PCDHA8: variants seen among roughly 807,000 people sequenced by gnomAD.
PCDHA8 encodes protocadherin alpha-8.
A neutral mutation model predicts 61.8 loss-of-function variants in PCDHA8; 53 were observed. The observed-to-expected ratio is 0.86, with a 90% CI of 0.69 to 1.08. The LOEUF is 1.08. PCDHA8 is among the 50% of genes least tolerant of loss of function. The probability of loss-of-function intolerance (pLI) is 0.00; values close to 1 mark genes in which losing one functional copy is unlikely to be tolerated. For synonymous variants in PCDHA8, 618 were observed against 556.6 expected, an observed-to-expected ratio of 1.11 and a Z score of -1.55; for missense variants, 1,293 against 1,245.0, an observed-to-expected ratio of 1.04 and a Z score of -0.58.
rs1581023239 is a variant in PCDHA8, at chr5:140,842,959, C to T, written c.1638C>T (p.Gly546=). ...SARDAGVPPL[G]SNVTLQVFVL... Reference sequence around the variant, plus strand: ...GCGACGCGGGCGTGCCGCCTCTGGGCAGCAACGTGACGCTGCAGGTGTTCG... The same window carrying T: ...GCGACGCGGGCGTGCCGCCTCTGGGTAGCAACGTGACGCTGCAGGTGTTCG... The change falls in exon 1 of 4, where the codon GGC becomes GGT. Residue 546 remains glycine, a synonymous_variant. Transcript: ENST00000531613. The T allele has an allele frequency of 1.9e-6, 3 of 1,594,954 alleles. No individual in the cohort carries two copies. The East Asian group carries it at 6.7e-5, about 36-fold the overall frequency.
In PCDHA8 at chr5:140,841,512, T is replaced by C; in HGVS notation, c.191T>C (p.Phe64Ser). ...LELAELVPRL[F>S]RVASKRHRDL... ...CTGGCGGAGCTGGTGCCGCGCCTGTTCCGGGTGGCGTCCAAAAGACACCGG... is the reference window on the plus strand; with the variant it reads ...CTGGCGGAGCTGGTGCCGCGCCTGTCCCGGGTGGCGTCCAAAAGACACCGG... The change falls in exon 1 of 4, where the codon TTC (phenylalanine) becomes TCC (serine). Residue 64 changes from phenylalanine (F) to serine (S), a missense_variant. Phe to Ser is a radical substitution (Grantham distance 155, BLOSUM62 -2). Coordinates refer to ENST00000531613, the MANE Select transcript of PCDHA8 (RefSeq NM_018911.3). 6.2e-7 allele frequency: 1 copy of C among 1,613,424 alleles called. No homozygotes were observed. Among genetic ancestry groups the C allele is most frequent in the East Asian group, 2.2e-5 (1 of 44,872 alleles).
rs530428922 is a variant in PCDHA8, at chr5:140,875,375, A to G, written c.2394+31660A>G. On this transcript the variant is annotated intron_variant, in intron 1 of 3. Transcript: ENST00000531613. ...TGTGATGCTGGAAAAAATTTACTAA[A>G]TATGTACTTACAGAAAAGGGTGACT... 70 of 1,456,838 alleles carry G rather than the reference A, an allele frequency of 4.8e-5. No individual in the cohort carries two copies. The African/African-American group carries it at 9.9e-4, about 21-fold the overall frequency. The allele number at this position is 1,456,838 out of a possible 1,614,324, so 90.2% of individuals were successfully genotyped here. A position where few individuals can be genotyped will look rare whatever the true frequency, so the allele number is the denominator to read the frequency against.
intron 3 of PCDHA8, among the ~76,000 whole-genome samples, chr5:141,008,968 T>C (rs1241825350): frequency 6.6e-6 from 1 of 152,256 alleles, no homozygotes; most frequent in Non-Finnish European, 1.5e-5. Flanking sequence ...AATACATTTA[T>C]AGCCAAAGTT....
chr5:140,895,447 G>T (rs1188860605), intron 1 of PCDHA8, among the ~76,000 whole-genome samples: 1 of 152,060 alleles, frequency 6.6e-6, no homozygotes, highest in South Asian at 2.1e-4. Flanking sequence ...CTTTTCATGT[G>T]CTTATTGGTC....
At chr5:140,908,668 A>C (rs2074091776) in intron 1 of PCDHA8, among the ~76,000 whole-genome samples, 1 of 152,194 alleles carries the variant, frequency 6.6e-6, no homozygotes, top group Non-Finnish European at 1.5e-5. Flanking sequence ...AAAGGCTCCA[A>C]ATAGCATCCC....
intron 1 of PCDHA8, among the ~76,000 whole-genome samples, chr5:140,934,422 A>G (rs2089824417): frequency 1.3e-5 from 2 of 152,176 alleles, no homozygotes; most frequent in South Asian, 2.1e-4. Flanking sequence ...TGCATTATCA[A>G]TGCAAGTGTA....
At chr5:140,921,134 C>G (rs2080042608) in intron 1 of PCDHA8, among the ~76,000 whole-genome samples, 1 of 111,400 alleles carries the variant, frequency 9.0e-6, no homozygotes, top group African/African-American at 3.7e-5. Flanking sequence ...GTGCACACCA[C>G]TACACCCAGC....
chr5:140,850,639 T>C (rs2150491929), intron 1 of PCDHA8: 1 of 1,598,684 alleles, frequency 6.3e-7, no homozygotes, highest in East Asian at 2.2e-5. Flanking sequence ...GTTCTCACGC[T>C]GCTGCTGTAC....
At chr5:140,927,729 G>C (rs2084563367) in intron 1 of PCDHA8, 1 of 1,614,098 alleles carries the variant, frequency 6.2e-7, no homozygotes, top group South Asian at 1.1e-5. Context: ...CGCAAGCAGA[G>C]CTGCGACACC....
intron 2 of PCDHA8, among the ~76,000 whole-genome samples, chr5:140,981,156 T>C (rs747008016): frequency 2.9e-4 from 44 of 152,360 alleles, no homozygotes; most frequent in Admixed American, 6.5e-4. Context: ...ATTGAACTTA[T>C]ATGTTGCCTT....
At chr5:140,870,912 C>A in intron 1 of PCDHA8, 1 of 1,613,952 alleles carries the variant, frequency 6.2e-7, no homozygotes, top group South Asian at 1.1e-5. Context: ...CAGGCTACAA[C>A]GCGTGGCTTT....
chr5:140,856,760 G>T, intron 1 of PCDHA8: 1 of 1,596,522 alleles, frequency 6.3e-7, no homozygotes, highest in Admixed American at 1.7e-5. Context: ...CAATGATAAC[G>T]CCCCTATCTT....
Position 140,998,756 on chromosome 5 carries a change from G to A in PCDHA8, c.2543-10871G>A, listed in dbSNP as rs78235138. Among the ~76,000 whole-genome samples, 197 of 152,232 alleles carry A rather than the reference G, an allele frequency of 1.3e-3. 4 individuals carry two copies. In the East Asian group the frequency reaches 0.035, roughly 27 times the overall value. On this transcript the variant is annotated intron_variant, in intron 3 of 3. Coordinates refer to ENST00000531613, the MANE Select transcript of PCDHA8 (RefSeq NM_018911.3). Reference sequence around the variant, plus strand: ...ATTTTGTATTTTTAGAAGAGACACAGTTTCACTATGTTGGTCAGGCTGGTC... The same window carrying A: ...ATTTTGTATTTTTAGAAGAGACACAATTTCACTATGTTGGTCAGGCTGGTC...
At chr5:140,953,988 A>G (rs1554221181) in intron 1 of PCDHA8, among the ~76,000 whole-genome samples, 1 of 151,898 alleles carries the variant, frequency 6.6e-6, no homozygotes, top group African/African-American at 2.4e-5. Flanking sequence ...TCATATTTTC[A>G]TGTGTACTCA....
chr5:140,851,304 C>T (rs2042021311), intron 1 of PCDHA8: 1 of 1,006,386 alleles, frequency 9.9e-7, no homozygotes, highest in East Asian at 6.6e-5. Context: ...AAATATATAG[C>T]AATTGTTACC....
At chr5:140,940,498 C>T (rs185491489) in intron 1 of PCDHA8, among the ~76,000 whole-genome samples, 7 of 151,984 alleles carry the variant, frequency 4.6e-5, no homozygotes, top group Non-Finnish European at 8.8e-5. Flanking sequence ...AGTCTTGCTC[C>T]GTCGCTCAGG....
chr5:140,916,202 C>A lies in PCDHA8; in HGVS notation c.2395-62747C>A, dbSNP rs185433174. 8.0e-3 allele frequency among the ~76,000 whole-genome samples: 1,218 copies of A among 152,262 alleles called. 6 individuals carry two copies. Among genetic ancestry groups the A allele is most frequent in the African/African-American group, 0.019 (787 of 41,550 alleles). The stretch of plus-strand genomic sequence containing the variant: ...TTCAAGGAAGTGGGCACCCCTCTGC[C>A]CTGGGGAAGATCCAAATATGCTTTC... On this transcript the variant is annotated intron_variant, in intron 1 of 3. Coordinates refer to ENST00000531613, the MANE Select transcript of PCDHA8 (RefSeq NM_018911.3).
intron 1 of PCDHA8, chr5:140,849,563 G>A: frequency 1.9e-6 from 3 of 1,598,488 alleles, no homozygotes; most frequent in Non-Finnish European, 2.6e-6. Flanking sequence ...AAACGCTCTC[G>A]GTTCCTGTAA....
Position 140,842,375 on chromosome 5 carries a change from C to T in PCDHA8, c.1054C>T (p.Leu352=), listed in dbSNP as rs1430792130. The T allele has an allele frequency of 1.9e-6, 3 of 1,609,572 alleles. No individual in the cohort carries two copies. The highest frequency in any genetic ancestry group is 2.6e-6 in the Non-Finnish European group (3 of 1,176,088). Residue 352 remains leucine, a synonymous_variant, in exon 1 of 4, where the codon CTG becomes TTG. Coordinates refer to ENST00000531613, the MANE Select transcript of PCDHA8 (RefSeq NM_018911.3). Reference sequence around the variant, plus strand: ...AAATGATAACGTCCCTGAGATAGCACTGACTTCCTTATCCTTGCCTGTACG... The same window carrying T: ...AAATGATAACGTCCCTGAGATAGCATTGACTTCCTTATCCTTGCCTGTACG... ...DKNDNVPEIA[L]TSLSLPVRED...
Sources: gnomAD v4.1 joint callset for allele counts (sites outside exome capture counted in the v4.1 genomes callset) on GRCh38, gnomAD v4.1.1 for gene constraint, MANE v1.5 for transcripts, NCBI Gene and HGNC (gene_info 2026-07-23, HGNC 2026-07-21) for gene names.